The following MARCHF1 variants were observed in gnomAD, a reference collection of about 807,000 sequenced individuals.
MARCHF1 encodes membrane associated ring-CH-type finger 1, also known as E3 ubiquitin-protein ligase MARCHF1.
MARCHF1 carries 40 observed loss-of-function variants against 54.2 expected under a neutral mutation model. The ratio of observed to expected loss-of-function variants is 0.74; its 90% CI spans 0.57 to 0.96. The LOEUF (loss-of-function observed/expected upper bound fraction) is 0.96, where lower values mean the gene tolerates loss of function less well. MARCHF1 is among the 40% of genes least tolerant of loss of function. The pLI is 0.00. For synonymous variants in MARCHF1, 236 were observed against 236.3 expected (o/e 1.00, Z 0.01); for missense variants, 586 against 656.5 (o/e 0.89, Z 1.17).
intron 2 of MARCHF1, among the ~76,000 whole-genome samples, chr4:164,014,264 G>C (rs913082970): frequency 2.6e-5 from 4 of 151,542 alleles, no homozygotes; most frequent in Non-Finnish European, 5.9e-5. Context: ...AAAAAGTGTA[G>C]AGGTTTTTAG....
intron 4 of MARCHF1, among the ~76,000 whole-genome samples, chr4:163,798,515 G>C (rs1346646182): frequency 6.6e-6 from 1 of 152,088 alleles, no homozygotes; most frequent in Non-Finnish European, 1.5e-5. Context: ...ATATTTACAA[G>C]TTTTCAGGGC....
At chr4:163,557,164 C>A (rs895563758) in intron 8 of MARCHF1, among the ~76,000 whole-genome samples, 1 of 152,054 alleles carries the variant, frequency 6.6e-6, no homozygotes, top group Non-Finnish European at 1.5e-5. Context: ...GTTTGGAAAT[C>A]AAAAAATGAC....
At position 163,828,006 on chromosome 4, in the gene MARCHF1, C is replaced by T. The variant is rs78460787; in HGVS notation, c.111+26015G>A. Among the ~76,000 whole-genome samples, 785 of 130,106 alleles carry T rather than the reference C, an allele frequency of 6.0e-3. 8 individuals are homozygous for T. Among genetic ancestry groups the T allele is most frequent in the African/African-American group, 0.022 (728 of 33,520 alleles). 85.4% of individuals were successfully genotyped at this position (130,106 alleles called of 152,430 possible). On this transcript the variant is annotated intron_variant, in intron 4 of 9. Transcript: ENST00000514618. ...TGAACATCCTCCCTCCAAAAGTGTG[C>T]GCAGGCATACACACACACACACACA...
intron 4 of MARCHF1, among the ~76,000 whole-genome samples, chr4:163,828,058 C>T (rs199872394): frequency 6.9e-6 from 1 of 145,346 alleles, no homozygotes; most frequent in East Asian, 2.0e-4. Flanking sequence ...CACACACAGA[C>T]ACACCTTGTC....
intron 1 of MARCHF1, among the ~76,000 whole-genome samples, chr4:164,114,651 T>C (rs1387841993): frequency 6.6e-6 from 1 of 151,608 alleles, no homozygotes. Flanking sequence ...TGCAATAAGA[T>C]TTACAATGAA....
chr4:163,916,264 C>T (rs1560818142), intron 3 of MARCHF1, among the ~76,000 whole-genome samples: 1 of 152,138 alleles, frequency 6.6e-6, no homozygotes, highest in Non-Finnish European at 1.5e-5. Flanking sequence ...GAGGGATCTC[C>T]ACAATTTATT....
At chr4:163,819,949 C>T (rs749783916) in intron 4 of MARCHF1, among the ~76,000 whole-genome samples, 4 of 152,046 alleles carry the variant, frequency 2.6e-5, no homozygotes, top group South Asian at 2.1e-4. Context: ...TCCTTCCCAT[C>T]GTATTTTAAA....
At chr4:163,603,994 C>T (rs550525276) in intron 7 of MARCHF1, among the ~76,000 whole-genome samples, 11 of 152,256 alleles carry the variant, frequency 7.2e-5, no homozygotes, top group African/African-American at 1.7e-4. Flanking sequence ...TCTTTACAGA[C>T]TCCTCACTTT....
At chr4:163,645,146 A>T (rs952558953) in intron 5 of MARCHF1, among the ~76,000 whole-genome samples, 3 of 152,140 alleles carry the variant, frequency 2.0e-5, no homozygotes, top group African/African-American at 7.2e-5. Flanking sequence ...TCAAAAGTGG[A>T]CCCTCATCCC....
In MARCHF1 at chr4:164,101,957, C is replaced by A. The variant is rs994031229; in HGVS notation, c.-248+9631G>T. Among the ~76,000 whole-genome samples the A allele has an allele frequency of 2.6e-3, 380 of 144,382 alleles. 4 individuals carry two copies. Among genetic ancestry groups the A allele is most frequent in the African/African-American group, 9.3e-3 (360 of 38,508 alleles). 94.7% of individuals were successfully genotyped at this position (144,382 alleles called of 152,430 possible). A position where few individuals can be genotyped will look rare whatever the true frequency, so the allele number is the denominator to read the frequency against. ...GCTGAAAACCAAGGCTCGAGAACTA[C>A]GTGAAGAATGCAGAAGCCTCAGGAG... is the stretch of plus-strand genomic sequence containing the variant. On this transcript the variant is annotated intron_variant, in intron 2 of 9. Coordinates refer to ENST00000514618, the MANE Select transcript of MARCHF1 (RefSeq NM_001394959.1).
chr4:163,632,939 C>T (rs916985318), intron 5 of MARCHF1, among the ~76,000 whole-genome samples: 2 of 152,026 alleles, frequency 1.3e-5, no homozygotes, highest in Non-Finnish European at 2.9e-5. Context: ...GTACCTGACC[C>T]CTGACCCCTG....
chr4:164,035,064 C>T (rs1418824863), intron 2 of MARCHF1, among the ~76,000 whole-genome samples: 1 of 151,944 alleles, frequency 6.6e-6, no homozygotes, highest in African/African-American at 2.4e-5. Context: ...CCTCTAATAT[C>T]CATTAATTTT....
chr4:163,940,106 A>G (rs1007264200), intron 3 of MARCHF1, among the ~76,000 whole-genome samples: 4 of 152,250 alleles, frequency 2.6e-5, no homozygotes, highest in South Asian at 2.1e-4. Flanking sequence ...TGATAATACA[A>G]TGATAAGATG....
chr4:163,665,836 AAC>A (rs1372361218), intron 5 of MARCHF1, among the ~76,000 whole-genome samples: 1 of 152,150 alleles, frequency 6.6e-6, no homozygotes, highest in African/African-American at 2.4e-5. Context: ...ACTTTTTAAT[AAC>A]TATAGGCCAT....
At chr4:163,604,620 T>C (rs1273441470) in intron 7 of MARCHF1, among the ~76,000 whole-genome samples, 3 of 152,120 alleles carry the variant, frequency 2.0e-5, no homozygotes, top group African/African-American at 7.2e-5. Flanking sequence ...TGTCATCCTT[T>C]TGCTTAAAAC....
At chr4:164,060,721 G>A (rs1352104212) in intron 2 of MARCHF1, among the ~76,000 whole-genome samples, 2 of 152,078 alleles carry the variant, frequency 1.3e-5, no homozygotes, top group Non-Finnish European at 2.9e-5. Context: ...ACGTTACAAG[G>A]AGACATATTT....
In MARCHF1 at chr4:163,773,571, C is replaced by G. The variant is rs111909326; in HGVS notation, c.112-72708G>C. 7.4e-3 allele frequency among the ~76,000 whole-genome samples: 1,134 copies of G among 152,226 alleles called. 17 individuals are homozygous for G. The highest frequency in any genetic ancestry group is 0.026 in the African/African-American group (1,074 of 41,530). On this transcript the variant is annotated intron_variant, in intron 4 of 9. Transcript: ENST00000514618. The stretch of plus-strand genomic sequence containing the variant: ...TTGAGAGATTCTTGATAATGATGCT[C>G]AAACAATATAGCACAGAGGGACAGT...
At chr4:163,547,941 A>G (rs1282957929) in intron 8 of MARCHF1, among the ~76,000 whole-genome samples, 1 of 152,194 alleles carries the variant, frequency 6.6e-6, no homozygotes, top group Non-Finnish European at 1.5e-5. Context: ...TTTATATATT[A>G]TTCCAAGCAT....
chr4:164,270,800 C>T (rs1246889885), intron 1 of MARCHF1, among the ~76,000 whole-genome samples: 1 of 152,042 alleles, frequency 6.6e-6, no homozygotes, highest in Non-Finnish European at 1.5e-5. Flanking sequence ...TGTAGCATGC[C>T]AATATACCCA....
Sources: gnomAD v4.1 joint callset for allele counts (sites outside exome capture counted in the v4.1 genomes callset) on GRCh38, gnomAD v4.1.1 for gene constraint, MANE v1.5 for transcripts, NCBI Gene and HGNC (gene_info 2026-07-23, HGNC 2026-07-21) for gene names.